Variants in PDCD2L observed in about 807,000 individuals in gnomAD.
PDCD2L encodes uS5 assembly chaperone PDCD2L.
PDCD2L carries 44 observed loss-of-function variants against 40.4 expected under a neutral mutation model. That is an observed-to-expected ratio of 1.09 (90% CI 0.86 to 1.40). The LOEUF (loss-of-function observed/expected upper bound fraction) is 1.40, where lower values mean the gene tolerates loss of function less well. Among genes scored for constraint, PDCD2L ranks in the 40% most tolerant of loss-of-function variants. The pLI, the probability that PDCD2L is intolerant of heterozygous loss-of-function variation, is 0.00. For synonymous variants in PDCD2L, 194 were observed against 174.6 expected, an observed-to-expected ratio of 1.11 and a Z score of -0.88; for missense variants, 470 against 453.7, an observed-to-expected ratio of 1.04 and a Z score of -0.33.
rs774376040 is a variant in PDCD2L at position 34,421,573 on chromosome 19, C to A, written c.852C>A (p.Thr284=). ...TGACCTGCCCTACATCAGAAGTCACCGAGCTCCCAGCCTGCAGCCAGTGTG... is the reference window on the plus strand; with the variant it reads ...TGACCTGCCCTACATCAGAAGTCACAGAGCTCCCAGCCTGCAGCCAGTGTG... ...LFLTCPTSEV[T]ELPACSQCGG... The change falls in exon 6 of 7, where the codon ACC becomes ACA. Residue 284 remains threonine (T), a synonymous_variant. Transcript: ENST00000246535. The A allele has an allele frequency of 6.2e-7, 1 of 1,614,034 alleles. No homozygotes were observed. Among genetic ancestry groups the A allele is most frequent in the Admixed American group, 1.7e-5 (1 of 59,990 alleles).
chr19:34,406,528 G>A (rs1365816529), intron 3 of PDCD2L, among the ~76,000 whole-genome samples: 11 of 151,204 alleles, frequency 7.3e-5, no homozygotes, highest in African/African-American at 2.7e-4. Flanking sequence ...GACCACAGGC[G>A]CCCGCCACCA....
rs551309104 is a variant in PDCD2L at position 34,423,730 on chromosome 19, C to G, written c.946+2063C>G. Among the ~76,000 whole-genome samples, 18 of 152,044 alleles carry G rather than the reference C, an allele frequency of 1.2e-4. No individual in the cohort carries two copies. The South Asian group carries it at 1.7e-3, about 14-fold the overall frequency. ...TCTTGAACTCCTGACCTCAAGTGAT[C>G]CGTCCACCTCGACCTCCCAAAGTGC... On this transcript the variant is annotated intron_variant, in intron 6 of 6. Coordinates refer to ENST00000246535, the MANE Select transcript of PDCD2L (RefSeq NM_032346.2).
At chr19:34,420,879 G>C (rs2075147658) in intron 5 of PDCD2L, among the ~76,000 whole-genome samples, 1 of 152,072 alleles carries the variant, frequency 6.6e-6, no homozygotes, top group Admixed American at 6.6e-5. Flanking sequence ...TCAGGGACTG[G>C]TTCATGGAAG....
rs548914524 is a variant in PDCD2L, at chr19:34,425,990, G to A, written c.947G>A (p.Gly316Asp). The change falls in exon 7 of 7, where the codon GGT (glycine) becomes GAT (aspartate). Residue 316 changes from glycine to aspartate, a missense_variant and splice_region_variant. Physicochemically the swap from Gly to Asp is moderately conservative, Grantham distance 94. Coordinates refer to ENST00000246535, the MANE Select transcript of PDCD2L (RefSeq NM_032346.2). ...AGCCTGAATATGTGGTATTTTTCAG[G>A]TCTTTCTGTGGAATTTGGAACAATT... ...LVSMLKSANL[G>D]LSVEFGTILV... is the part of the protein sequence containing the mutation. 1.9e-6 allele frequency: 3 copies of A among 1,610,240 alleles called. No homozygotes were observed. Among genetic ancestry groups the A allele is most frequent in the African/African-American group, 1.3e-5 (1 of 74,806 alleles).
At position 34,421,588 on chromosome 19, in the gene PDCD2L, CA is replaced by C; in HGVS notation, c.868del (p.Ser290AlafsTer26). The C allele has an allele frequency of 6.2e-7, 1 of 1,614,114 alleles. No individual in the cohort carries two copies. The highest frequency in any genetic ancestry group is 1.3e-5 in the African/African-American group (1 of 75,030). Reference protein sequence around the residue: ...TSEVTELPACSQCGGQRIFEF... With the variant: ...TSEVTELPACXQCGGQRIFEF... ...CAGAAGTCACCGAGCTCCCAGCCTG[CA>C]GCCAGTGTGGAGGCCAAAGGATATT... On this transcript the variant is annotated frameshift_variant, in exon 6 of 7. Coordinates refer to ENST00000246535, the MANE Select transcript of PDCD2L (RefSeq NM_032346.2). LOFTEE classifies it high-confidence loss of function.
chr19:34,405,193 C>A (rs2075068612), intron 3 of PDCD2L, among the ~76,000 whole-genome samples: 1 of 135,526 alleles, frequency 7.4e-6, no homozygotes, highest in Admixed American at 8.3e-5. Flanking sequence ...GTCGCCCAGG[C>A]TGGAGTGCAA....
intron 6 of PDCD2L, among the ~76,000 whole-genome samples, chr19:34,422,521 C>T (rs191350833): frequency 1.3e-5 from 2 of 152,030 alleles, no homozygotes; most frequent in Admixed American, 1.3e-4. Flanking sequence ...ATGTTAATAA[C>T]CATTATTCCA....
At chr19:34,406,388 A>AC (rs2075075524) in intron 3 of PDCD2L, among the ~76,000 whole-genome samples, 1 of 141,454 alleles carries the variant, frequency 7.1e-6, no homozygotes, top group Admixed American at 7.1e-5. Flanking sequence ...CAATACTCTT[A>AC]TTTTTTTTTT....
At chr19:34,417,054 C>T (rs1466019115) in intron 5 of PDCD2L, among the ~76,000 whole-genome samples, 1 of 151,902 alleles carries the variant, frequency 6.6e-6, no homozygotes, top group East Asian at 1.9e-4. Context: ...GTGGAGGTTG[C>T]AATCAGCCGA....
intron 5 of PDCD2L, among the ~76,000 whole-genome samples, chr19:34,417,257 A>G (rs1334558006): frequency 2.0e-5 from 3 of 152,232 alleles, no homozygotes; most frequent in Non-Finnish European, 4.4e-5. Flanking sequence ...TATGAATCGG[A>G]AATTGAATTG....
intron 5 of PDCD2L, among the ~76,000 whole-genome samples, chr19:34,415,709 T>A (rs2075123848): frequency 6.6e-6 from 1 of 152,142 alleles, no homozygotes; most frequent in Non-Finnish European, 1.5e-5. Context: ...GGAAAAGGGC[T>A]TAGTACCATA....
intron 5 of PDCD2L, among the ~76,000 whole-genome samples, chr19:34,419,194 C>CTCTG (rs1230331436): frequency 1.3e-5 from 2 of 151,542 alleles, no homozygotes; most frequent in Non-Finnish European, 2.9e-5. Flanking sequence ...CGGAGTCTTG[C>CTCTG]TCTGTTGCCC....
intron 3 of PDCD2L, among the ~76,000 whole-genome samples, chr19:34,407,705 G>A (rs2075083275): frequency 6.6e-6 from 1 of 151,968 alleles, no homozygotes; most frequent in African/African-American, 2.4e-5. Context: ...TTTCCTGTTT[G>A]GGAATATATA....
chr19:34,425,817 T>C (rs1158290280), intron 6 of PDCD2L, among the ~76,000 whole-genome samples, 173 bp from the exon 7 acceptor site: 1 of 152,258 alleles, frequency 6.6e-6, no homozygotes, highest in Non-Finnish European at 1.5e-5. Flanking sequence ...TTTTTTGTTA[T>C]CAATATTCAC....
At chr19:34,423,491 C>CTT (rs547306985) in intron 6 of PDCD2L, among the ~76,000 whole-genome samples, 95 of 113,066 alleles carry the variant, frequency 8.4e-4, no homozygotes, top group Admixed American at 1.1e-3. Flanking sequence ...GACCCAGTAT[C>CTT]TTTTTTTTTT....
chr19:34,421,434 A>G (rs1032262283), intron 5 of PDCD2L, 85 bp from the exon 6 acceptor site: 3 of 1,495,768 alleles, frequency 2.0e-6, no homozygotes, highest in Admixed American at 3.9e-5. Context: ...TGCAAGAAAC[A>G]AAGAAAGGTT....
At chr19:34,413,664 C>T in intron 4 of PDCD2L, 73 bp from the exon 5 acceptor site, 2 of 955,528 alleles carry the variant, frequency 2.1e-6, no homozygotes, top group South Asian at 1.5e-5. Flanking sequence ...AGAAAATTAT[C>T]TTGTTTTGTC....
chr19:34,421,396 C>T, intron 5 of PDCD2L, 123 bp from the exon 6 acceptor site: 3 of 1,087,650 alleles, frequency 2.8e-6, no homozygotes, highest in Non-Finnish European at 4.0e-6. Context: ...AGCCATGGTG[C>T]TAGGTTTTTG....
At position 34,404,746 on chromosome 19, in the gene PDCD2L, C is replaced by A; in HGVS notation, c.206C>A (p.Ser69Tyr). 6.2e-7 allele frequency: 1 copy of A among 1,611,798 alleles called. No individual in the cohort carries two copies. Among genetic ancestry groups the A allele is most frequent in the Non-Finnish European group, 8.5e-7 (1 of 1,179,708 alleles). Residue 69 changes from serine (S) to tyrosine (Y), a missense_variant, in exon 2 of 7, where the codon TCC (serine) becomes TAC (tyrosine). Coordinates refer to ENST00000246535, the MANE Select transcript of PDCD2L (RefSeq NM_032346.2). ...CAGGTGTATTGCCCGCTGGAAGGCT[C>A]CCCGTTTCACCGTCTGCTGCACGTG... is the stretch of plus-strand genomic sequence containing the variant. ...VVQVYCPLEG[S>Y]PFHRLLHVFA...
Sources: allele counts gnomAD v4.1 joint callset (sites outside exome capture counted in the v4.1 genomes callset), GRCh38; gene constraint gnomAD v4.1.1; transcripts MANE v1.5; gene names NCBI Gene and HGNC (gene_info 2026-07-23, HGNC 2026-07-21).